Variants in PUS7 observed in about 807,000 individuals in gnomAD.
PUS7 encodes pseudouridylate synthase 7 homolog.
A neutral mutation model predicts 79.8 loss-of-function variants in PUS7; 48 were observed. The ratio of observed to expected loss-of-function variants is 0.60; its 90% CI spans 0.48 to 0.76. The LOEUF is 0.76. Among genes scored for constraint, PUS7 ranks in the 30% least tolerant of loss-of-function variants. The pLI is 0.00. For missense variants in PUS7, 729 were observed against 797.6 expected (o/e 0.91, Z 1.04); for synonymous variants, 286 against 272.2 (o/e 1.05, Z -0.50).
intron 1 of PUS7, among the ~76,000 whole-genome samples, chr7:105,521,496 A>C (rs1826110154): frequency 6.6e-6 from 1 of 152,026 alleles, no homozygotes; most frequent in Non-Finnish European, 1.5e-5. Context: ...GTCCACTCCT[A>C]CTCTGGGAAA....
chr7:105,477,550 G>A (rs550006199), intron 9 of PUS7, among the ~76,000 whole-genome samples: 23 of 152,210 alleles, frequency 1.5e-4, no homozygotes, highest in Admixed American at 1.4e-3. Context: ...ACTGTGCCTG[G>A]CTCACTTTCT....
At chr7:105,475,149 A>ATAGGCTGTACTATCTAGCACG (rs1001799660) in intron 9 of PUS7, among the ~76,000 whole-genome samples, 1 of 152,190 alleles carries the variant, frequency 6.6e-6, no homozygotes, top group Admixed American at 6.5e-5. Flanking sequence ...TTGGTTTACA[A>ATAGGCTGTACTATCTAGCACG]TAGGCTGTAC....
intron 1 of PUS7, among the ~76,000 whole-genome samples, chr7:105,511,443 A>T (rs762795004): frequency 9.6e-4 from 71 of 74,142 alleles, no homozygotes; most frequent in Non-Finnish European, 1.5e-3. Context: ...ATTTTCATTT[A>T]AAAAAAAAAA....
At chr7:105,505,302 G>A (rs998250841) in intron 4 of PUS7, among the ~76,000 whole-genome samples, 3 of 152,038 alleles carry the variant, frequency 2.0e-5, no homozygotes, top group African/African-American at 4.8e-5. Context: ...CGTGCCCGGC[G>A]AACAAAAGCT....
chr7:105,487,689 T>TA (rs1481374476), intron 7 of PUS7, among the ~76,000 whole-genome samples: 2 of 152,210 alleles, frequency 1.3e-5, no homozygotes, highest in Non-Finnish European at 2.9e-5. Flanking sequence ...ATCTTGCTTT[T>TA]AAACATCAGG....
At chr7:105,486,842 T>C (rs1824570015) in intron 7 of PUS7, among the ~76,000 whole-genome samples, 1 of 151,958 alleles carries the variant, frequency 6.6e-6, no homozygotes, top group African/African-American at 2.4e-5. Context: ...GCTGAATTGC[T>C]TGAGATGAGG....
intron 6 of PUS7, among the ~76,000 whole-genome samples, chr7:105,493,042 C>T (rs1378906858): frequency 6.6e-5 from 10 of 152,204 alleles, no homozygotes; most frequent in Non-Finnish European, 1.5e-4. Context: ...GGCAACAATG[C>T]ACTTCCTATC....
chr7:105,481,333 G>A (rs907849426), intron 8 of PUS7, among the ~76,000 whole-genome samples, 156 bp from the exon 9 acceptor site: 13 of 152,076 alleles, frequency 8.5e-5, no homozygotes, highest in African/African-American at 2.9e-4. Context: ...TTTAAGTTGT[G>A]GTAAGATATT....
chr7:105,495,228 T>C lies in PUS7; in HGVS notation c.756A>G (p.Lys252=), dbSNP rs949801478. 3.7e-6 allele frequency: 6 copies of C among 1,611,256 alleles called. No individual in the cohort carries two copies. Among genetic ancestry groups the C allele is most frequent in the Non-Finnish European group, 5.1e-6 (6 of 1,178,290 alleles). The change falls in exon 6 of 16, where the codon AAA becomes AAG. Residue 252 remains lysine (K), a synonymous_variant. Coordinates refer to ENST00000469408, the MANE Select transcript of PUS7 (RefSeq NM_019042.5). The part of the protein sequence containing the change: ...LANPRKHSWP[K]SRGSYCHFVL... ...CGAAGTGGCAGTAACTTCCCCTAGA[T>C]TTTGGCCAAGAATGTTTTCTTGGAT...
intron 15 of PUS7, 50 bp downstream of exon 15, chr7:105,459,118 T>A: frequency 8.1e-7 from 1 of 1,231,560 alleles, no homozygotes; most frequent in Non-Finnish European, 1.1e-6. Context: ...TGTTTTTGTT[T>A]AACAAAACAT....
chr7:105,485,800 T>C (rs1180790413), intron 7 of PUS7, among the ~76,000 whole-genome samples: 3 of 152,338 alleles, frequency 2.0e-5, no homozygotes, highest in East Asian at 3.9e-4. Flanking sequence ...TTAAGTGCTA[T>C]ATCTCTTTTT....
intron 10 of PUS7, among the ~76,000 whole-genome samples, chr7:105,471,865 T>C (rs1408195403): frequency 6.9e-6 from 1 of 145,030 alleles, no homozygotes; most frequent in Admixed American, 7.2e-5. Context: ...TGAACTGAGA[T>C]CATGCCATTG....
chr7:105,471,673 G>A (rs1446445413), intron 10 of PUS7, among the ~76,000 whole-genome samples: 1 of 152,130 alleles, frequency 6.6e-6, no homozygotes, highest in South Asian at 2.1e-4. Flanking sequence ...AGCACTTTGG[G>A]AGGCCAAGGC....
chr7:105,494,938 A>G (rs1468564997), intron 6 of PUS7, among the ~76,000 whole-genome samples: 1 of 149,342 alleles, frequency 6.7e-6, no homozygotes. Context: ...TCATACCATC[A>G]TTCACTCCAG....
intron 7 of PUS7, among the ~76,000 whole-genome samples, chr7:105,485,744 T>C (rs1276564292): frequency 6.6e-6 from 1 of 152,262 alleles, no homozygotes; most frequent in Non-Finnish European, 1.5e-5. Context: ...TATCTGGGTC[T>C]AGGATTACTC....
At chr7:105,497,932 G>C (rs1205550012) in intron 5 of PUS7, among the ~76,000 whole-genome samples, 1 of 152,206 alleles carries the variant, frequency 6.6e-6, no homozygotes, top group Non-Finnish European at 1.5e-5. Flanking sequence ...AAACACTTGT[G>C]ATAAAAGTTG....
chr7:105,522,174 A>G lies in PUS7; in HGVS notation c.-155T>C, dbSNP rs1180272451. 6.6e-6 allele frequency: 1 copy of G among 152,016 alleles called. No individual in the cohort carries two copies. Among genetic ancestry groups the G allele is most frequent in the Non-Finnish European group, 1.5e-5 (1 of 68,032 alleles). The allele number at this position is 152,016 out of a possible 1,614,324, so 9.4% of individuals were successfully genotyped here. ...CCAGCGGCTAGGGCGGCCAGGCAAA[A>G]GCAGCGCTTTCCGCGCGGAGGACCA... On this transcript the variant is annotated 5_prime_UTR_variant, in exon 1 of 16. Transcript: ENST00000469408.
intron 4 of PUS7, among the ~76,000 whole-genome samples, chr7:105,503,514 C>T (rs1825336222): frequency 6.6e-6 from 1 of 152,148 alleles, no homozygotes; most frequent in South Asian, 2.1e-4. Flanking sequence ...TTCCCTCCCT[C>T]TTTACTCAAT....
chr7:105,515,140 C>T (rs2692428), intron 1 of PUS7, among the ~76,000 whole-genome samples: 19,007 of 152,136 alleles, frequency 0.12, 1,604 homozygotes, highest in African/African-American at 0.24. Flanking sequence ...TAGAGAGGAA[C>T]TTTCCCTTTG....
Sources: gnomAD v4.1 joint callset for allele counts (sites outside exome capture counted in the v4.1 genomes callset) on GRCh38, gnomAD v4.1.1 for gene constraint, MANE v1.5 for transcripts, NCBI Gene and HGNC (gene_info 2026-07-23, HGNC 2026-07-21) for gene names.